Variants in RSRC1 observed in about 807,000 individuals in gnomAD.
RSRC1 encodes the protein arginine and serine rich coiled-coil 1.
In RSRC1, 39 loss-of-function variants were observed where a neutral mutation model predicts 49.1. That is an observed-to-expected ratio of 0.79 (90% CI 0.61 to 1.04). The LOEUF is 1.04. RSRC1 is among the 50% of genes least tolerant of loss of function. The probability of loss-of-function intolerance (pLI) is 0.00; values close to 1 mark genes in which losing one functional copy is unlikely to be tolerated. For synonymous variants in RSRC1, 143 were observed against 130.8 expected (o/e 1.09, Z -0.63); for missense variants, 388 against 402.4 (o/e 0.96, Z 0.31).
intron 5 of RSRC1, among the ~76,000 whole-genome samples, chr3:158,310,421 A>G (rs1477474252): frequency 1.3e-5 from 2 of 151,778 alleles, no homozygotes; most frequent in Non-Finnish European, 3.0e-5. Flanking sequence ...TTCCTACATA[A>G]CAATAAACCT....
chr3:158,411,504 C>G lies in RSRC1; in HGVS notation c.584-49431C>G, dbSNP rs1209772111. Reference sequence around the variant, plus strand: ...TGTTAGCCAAACTTATATCATTCTACTTTCTCTTTTTTTTTTGTTTGTTTA... The same window carrying G: ...TGTTAGCCAAACTTATATCATTCTAGTTTCTCTTTTTTTTTTGTTTGTTTA... On this transcript the variant is annotated intron_variant, in intron 6 of 9. Transcript: ENST00000611884. Among the ~76,000 whole-genome samples the G allele has an allele frequency of 4.3e-5, 5 of 115,788 alleles. No individual in the cohort carries two copies. The Admixed American group carries it at 4.4e-4, about 10-fold the overall frequency. 76.0% of individuals were successfully genotyped at this position (115,788 alleles called of 152,430 possible). A position where few individuals can be genotyped will look rare whatever the true frequency, so the allele number is the denominator to read the frequency against.
intron 4 of RSRC1, among the ~76,000 whole-genome samples, chr3:158,238,304 T>C (rs532993624): frequency 1.3e-5 from 2 of 152,336 alleles, no homozygotes; most frequent in East Asian, 3.9e-4. Context: ...AGGTAATTTA[T>C]AGATTCTGTG....
At chr3:158,221,083 A>G (rs1397056523) in intron 4 of RSRC1, among the ~76,000 whole-genome samples, 1 of 151,592 alleles carries the variant, frequency 6.6e-6, no homozygotes, top group Non-Finnish European at 1.5e-5. Context: ...TCTGACTATA[A>G]TAGAGTCAGG....
intron 6 of RSRC1, among the ~76,000 whole-genome samples, chr3:158,392,696 A>G (rs1231273619): frequency 6.6e-6 from 1 of 152,106 alleles, no homozygotes; most frequent in Non-Finnish European, 1.5e-5. Context: ...TTAGAGATCT[A>G]CAAAGAGACT....
At chr3:158,522,902 C>A (rs1162968448) in intron 7 of RSRC1, among the ~76,000 whole-genome samples, 2 of 152,030 alleles carry the variant, frequency 1.3e-5, no homozygotes, top group Non-Finnish European at 2.9e-5. Context: ...CATTTTCCAG[C>A]CTACACTCAT....
At chr3:158,446,240 T>G (rs1277064373) in intron 6 of RSRC1, among the ~76,000 whole-genome samples, 1 of 151,774 alleles carries the variant, frequency 6.6e-6, no homozygotes, top group Non-Finnish European at 1.5e-5. Context: ...CTTCATTTTA[T>G]TATTTAATTT....
intron 7 of RSRC1, among the ~76,000 whole-genome samples, chr3:158,508,538 G>A (rs370973812): frequency 4.7e-5 from 7 of 150,094 alleles, no homozygotes; most frequent in Admixed American, 2.7e-4. Flanking sequence ...GTCGCCCCCC[G>A]CCCTTATCTG....
At chr3:158,348,930 T>C (rs1451123694) in intron 5 of RSRC1, among the ~76,000 whole-genome samples, 3 of 152,198 alleles carry the variant, frequency 2.0e-5, no homozygotes, top group Non-Finnish European at 1.5e-5. Context: ...ATTTGGTTCT[T>C]TTTTTGTGGC....
At position 158,122,233 on chromosome 3, in the gene RSRC1, ATCAAGATCAAAG is replaced by A; in HGVS notation, c.138_149del (p.Lys47_Ser50del). The A allele has an allele frequency of 6.2e-7, 1 of 1,605,950 alleles. No individual in the cohort carries two copies. Among genetic ancestry groups the A allele is most frequent in the East Asian group, 2.3e-5 (1 of 44,150 alleles). ...ACAGCCGAAAGAAAGGAGGAAGGAA[ATCAAGATCAAAG>A]TCAAGATCTTGGTCCAGAGATCTTC... On this transcript the variant is annotated inframe_deletion, in exon 2 of 10. Transcript: ENST00000611884.
chr3:158,185,986 A>G (rs1719903407), intron 3 of RSRC1, among the ~76,000 whole-genome samples: 2 of 151,910 alleles, frequency 1.3e-5, no homozygotes, highest in Admixed American at 1.3e-4. Flanking sequence ...TAGTTATGGT[A>G]TGTGTATCTG....
intron 7 of RSRC1, among the ~76,000 whole-genome samples, chr3:158,527,968 T>C (rs891166476): frequency 3.3e-5 from 5 of 152,094 alleles, no homozygotes; most frequent in African/African-American, 1.2e-4. Flanking sequence ...TTAATGTGTG[T>C]ATTTTGTAAT....
At chr3:158,330,832 G>T (rs1729499075) in intron 5 of RSRC1, among the ~76,000 whole-genome samples, 2 of 151,174 alleles carry the variant, frequency 1.3e-5, no homozygotes, top group South Asian at 4.2e-4. Flanking sequence ...TTTTACATCT[G>T]TATTAGTCTG....
chr3:158,213,283 C>T (rs1195382779), intron 4 of RSRC1, among the ~76,000 whole-genome samples: 1 of 151,822 alleles, frequency 6.6e-6, no homozygotes, highest in Admixed American at 6.6e-5. Context: ...TACTTTTCTA[C>T]TAAAGCAGAG....
intron 7 of RSRC1, among the ~76,000 whole-genome samples, chr3:158,516,276 G>GA (rs1478583618): frequency 1.3e-5 from 2 of 151,820 alleles, no homozygotes; most frequent in African/African-American, 4.8e-5. Flanking sequence ...TGGGTTTTTG[G>GA]TGTGGATGTC....
At chr3:158,233,355 T>C (rs1723070365) in intron 4 of RSRC1, among the ~76,000 whole-genome samples, 1 of 152,156 alleles carries the variant, frequency 6.6e-6, no homozygotes, top group Non-Finnish European at 1.5e-5. Context: ...TCTTAGATAT[T>C]TTCTAGTGAT....
At chr3:158,543,236 G>A in intron 8 of RSRC1, 99 bp from the exon 9 acceptor site, 1 of 1,065,080 alleles carries the variant, frequency 9.4e-7, no homozygotes, top group Non-Finnish European at 1.3e-6. Flanking sequence ...CATCTCAAAG[G>A]AGACTAATTG....
intron 4 of RSRC1, among the ~76,000 whole-genome samples, chr3:158,222,513 A>G (rs528078185): frequency 7.9e-5 from 12 of 151,644 alleles, no homozygotes; most frequent in Non-Finnish European, 1.8e-4. Context: ...CACTATAAAT[A>G]TATATAATTT....
At chr3:158,316,492 T>C (rs13090382) in intron 5 of RSRC1, among the ~76,000 whole-genome samples, 96,150 of 138,902 alleles carry the variant, frequency 0.69, 33,246 homozygotes, top group East Asian at 0.84. Flanking sequence ...TCGCCCAGGC[T>C]GGAGTGCAGT....
chr3:158,144,187 A>T (rs999594804), intron 3 of RSRC1, among the ~76,000 whole-genome samples: 8 of 152,132 alleles, frequency 5.3e-5, no homozygotes, highest in Admixed American at 4.6e-4. Context: ...CACAACGTGC[A>T]GGTTTGTTAC....
Sources: gnomAD v4.1 joint callset for allele counts (sites outside exome capture counted in the v4.1 genomes callset) on GRCh38, gnomAD v4.1.1 for gene constraint, MANE v1.5 for transcripts, NCBI Gene and HGNC (gene_info 2026-07-23, HGNC 2026-07-21) for gene names.